Variants in NUP88 observed in about 807,000 individuals in gnomAD.
The protein encoded by NUP88 is nucleoporin 88, also known as nuclear pore complex protein Nup88.
In NUP88, 57 loss-of-function variants were observed where a neutral mutation model predicts 93.9. The observed-to-expected ratio is 0.61, with a 90% CI of 0.49 to 0.76. The LOEUF is 0.76. NUP88 is among the 30% of genes least tolerant of loss of function. NUP88 has a pLI of 0.00. For synonymous variants in NUP88, 346 were observed against 336.8 expected, an observed-to-expected ratio of 1.03 and a Z score of -0.30; for missense variants, 911 against 901.0, an observed-to-expected ratio of 1.01 and a Z score of -0.14.
Position 5,391,666 on chromosome 17 carries a change from GA to G in NUP88, c.1383-5del, listed in dbSNP as rs780573071. 1.2e-6 allele frequency: 2 copies of G among 1,609,474 alleles called. No homozygotes were observed. The highest frequency in any genetic ancestry group is 1.7e-6 in the Non-Finnish European group (2 of 1,176,110). On this transcript the variant is annotated splice_polypyrimidine_tract_variant and splice_region_variant and intron_variant, in intron 9 of 16. Coordinates refer to ENST00000573584, the MANE Select transcript of NUP88 (RefSeq NM_002532.6). ...TCCTCGAATTGGAGCTGGCTGCCTGGAAAAACACAGTCATAGTTAAATTACA... is the reference window on the plus strand; with the variant it reads ...TCCTCGAATTGGAGCTGGCTGCCTGGAAAACACAGTCATAGTTAAATTACA...
intron 10 of NUP88, among the ~76,000 whole-genome samples, chr17:5,391,044 AGAGTAT>A: frequency 6.6e-6 from 1 of 152,316 alleles, no homozygotes; most frequent in Middle Eastern, 3.4e-3. Flanking sequence ...GAGAAATTAA[AGAGTAT>A]GAGTATGGAC....
chr17:5,412,824 T>G (rs1382980760), intron 3 of NUP88, among the ~76,000 whole-genome samples: 1 of 152,250 alleles, frequency 6.6e-6, no homozygotes, highest in East Asian at 1.9e-4. Context: ...CCCACTCCCC[T>G]ACCCCACACT....
rs371989562 is a variant in NUP88 at position 5,416,555 on chromosome 17, T to C, written c.425A>G (p.Lys142Arg). Residue 142 changes from lysine (K) to arginine (R), a missense_variant, in exon 2 of 17, where the codon AAG becomes AGG. Physicochemically the swap from Lys to Arg is conservative, Grantham distance 26. Transcript: ENST00000573584. The stretch of plus-strand genomic sequence containing the variant: ...TTTTCCACCTTCAAATTCAGAATTC[T>C]TCCCCCATCTTTTAGGTAATTCTAA... ...MVLELPKRWG[K>R]NSEFEGGKST... 40 of 1,612,110 alleles carry C rather than the reference T, an allele frequency of 2.5e-5. No individual in the cohort carries two copies. In the African/African-American group the frequency reaches 4.1e-4, roughly 17 times the overall value.
At chr17:5,407,868 T>C (rs1913589529) in intron 5 of NUP88, among the ~76,000 whole-genome samples, 1 of 152,172 alleles carries the variant, frequency 6.6e-6, no homozygotes, top group Non-Finnish European at 1.5e-5. Context: ...AAGTTCAAAC[T>C]CTCATAAATG....
intron 4 of NUP88, 36 bp downstream of exon 4, chr17:5,410,667 T>C: frequency 1.5e-6 from 2 of 1,303,960 alleles, no homozygotes; most frequent in African/African-American, 1.5e-5. Flanking sequence ...AATAAGCTAA[T>C]TAAAAAACCA....
At chr17:5,411,580 C>A (rs77009080) in intron 3 of NUP88, among the ~76,000 whole-genome samples, 8,811 of 108,406 alleles carry the variant, frequency 0.081, 245 homozygotes, top group Middle Eastern at 0.14. Flanking sequence ...GACTCCATTT[C>A]AAAAAAAAAA....
At chr17:5,407,840 T>C (rs1913587023) in intron 5 of NUP88, among the ~76,000 whole-genome samples, 1 of 152,208 alleles carries the variant, frequency 6.6e-6, no homozygotes, top group Non-Finnish European at 1.5e-5. Flanking sequence ...CATTTTTCCC[T>C]CTGTTCTATT....
chr17:5,394,226 A>G (rs1250179898), intron 9 of NUP88, among the ~76,000 whole-genome samples: 1 of 152,186 alleles, frequency 6.6e-6, no homozygotes, highest in African/African-American at 2.4e-5. Flanking sequence ...ACCTAGAAAG[A>G]ATAGAGAAGA....
chr17:5,404,915 A>T, intron 6 of NUP88, 142 bp downstream of exon 6: 1 of 765,000 alleles, frequency 1.3e-6, no homozygotes, highest in Non-Finnish European at 2.1e-6. Flanking sequence ...TGCTTCAGCT[A>T]CTTTTTTAAC....
chr17:5,388,902 C>G lies in NUP88; in HGVS notation c.1543G>C (p.Ala515Pro). The change falls in exon 11 of 17, where the codon GCA becomes CCA. Residue 515 changes from alanine to proline, a missense_variant. Coordinates refer to ENST00000573584, the MANE Select transcript of NUP88 (RefSeq NM_002532.6). ...LLCTREDVEV[A>P]ESPLRVLAET... Reference sequence around the variant, plus strand: ...GCCAGAACACGGAGGGGAGACTCTGCCACTTCAACATCTTCTCGAGTACAA... The same window carrying G: ...GCCAGAACACGGAGGGGAGACTCTGGCACTTCAACATCTTCTCGAGTACAA... 6.2e-7 allele frequency: 1 copy of G among 1,613,862 alleles called. No individual in the cohort carries two copies. Among genetic ancestry groups the G allele is most frequent in the Non-Finnish European group, 8.5e-7 (1 of 1,179,830 alleles).
rs748365617 is a variant in NUP88 at position 5,386,261 on chromosome 17, T to G, written c.2171A>C (p.His724Pro). 6.2e-7 allele frequency: 1 copy of G among 1,608,790 alleles called. No individual in the cohort carries two copies. Among genetic ancestry groups the G allele is most frequent in the East Asian group, 2.2e-5 (1 of 44,782 alleles). The part of the protein sequence containing the change: ...IQSILKEEGE[H>P]IREMVKQIND... ...GATTTGCTTCACCATTTCCCTTATATGTTCACCCCTGTAAAATTGTAAAGT... is the reference window on the plus strand; with the variant it reads ...GATTTGCTTCACCATTTCCCTTATAGGTTCACCCCTGTAAAATTGTAAAGT... Residue 724 changes from histidine (H) to proline (P), a missense_variant, in exon 17 of 17, where the codon CAT becomes CCT. Coordinates refer to ENST00000573584, the MANE Select transcript of NUP88 (RefSeq NM_002532.6).
chr17:5,398,659 C>T (rs1912941388), intron 8 of NUP88, among the ~76,000 whole-genome samples: 3 of 148,436 alleles, frequency 2.0e-5, no homozygotes, highest in Admixed American at 2.0e-4. Context: ...GGCATGACCT[C>T]GGCTCACTGC....
rs1163676619 is a variant in NUP88, at chr17:5,394,906, T to A, written c.1367A>T (p.Lys456Met). The A allele has an allele frequency of 1.9e-6, 3 of 1,612,814 alleles. No homozygotes were observed. In the African/African-American group the frequency reaches 4.0e-5, roughly 22 times the overall value. ...KCFVEHILCT[K>M]PLPCRQPAPI... ...GAGTCCTTACCTGCAGGGCAATGGC[T>A]TCGTACAAAGGATGTGTTCAACAAA... The change falls in exon 9 of 17, where the codon AAG (lysine) becomes ATG (methionine). Residue 456 changes from lysine to methionine, a missense_variant. Physicochemically the swap from Lys to Met is moderately conservative, Grantham distance 95. Coordinates refer to ENST00000573584, the MANE Select transcript of NUP88 (RefSeq NM_002532.6).
chr17:5,389,021 GC>G, intron 10 of NUP88, 61 bp from the exon 11 acceptor site: 1 of 1,247,164 alleles, frequency 8.0e-7, no homozygotes, highest in Non-Finnish European at 1.1e-6. Context: ...TTACAGGAAA[GC>G]AGAAACCACA....
At chr17:5,394,676 A>C (rs62076185) in intron 9 of NUP88, among the ~76,000 whole-genome samples, 7,332 of 152,132 alleles carry the variant, frequency 0.048, 253 homozygotes, top group Middle Eastern at 0.11. Context: ...GGGGCTGGGG[A>C]AGGACCTTCC....
Position 5,385,981 on chromosome 17 carries a change from T to C in NUP88, c.*225A>G. On this transcript the variant is annotated 3_prime_UTR_variant, in exon 17 of 17. Transcript: ENST00000573584. ...GGCAGTGTGCAGTGTGAAATAATCC[T>C]GAGTCCTTGCTGAACACAACTGTAG... is the stretch of plus-strand genomic sequence containing the variant. The C allele has an allele frequency of 2.1e-6, 1 of 485,094 alleles. No individual in the cohort carries two copies. The highest frequency in any genetic ancestry group is 3.8e-5 in the South Asian group (1 of 26,092). The allele number at this position is 485,094 out of a possible 1,614,324, so 30.0% of individuals were successfully genotyped here.
chr17:5,401,227 T>C (rs1913142243), intron 7 of NUP88, among the ~76,000 whole-genome samples: 1 of 151,818 alleles, frequency 6.6e-6, no homozygotes, highest in African/African-American at 2.4e-5. Flanking sequence ...CTACTAAAAA[T>C]ACAAAATTAG....
In NUP88 at chr17:5,413,995, GAAATA is replaced by G. The variant is rs770855756; in HGVS notation, c.593+9_593+13del. Reference sequence around the variant, plus strand: ...CCCACTCGCAAGGCTTCAAGAGAGAGAAATAAAATTTACCTGATTACGTTGTCTGA... The same window carrying G: ...CCCACTCGCAAGGCTTCAAGAGAGAGAAATTTACCTGATTACGTTGTCTGA... On this transcript the variant is annotated intron_variant, in intron 3 of 16. Transcript: ENST00000573584. 6.2e-7 allele frequency: 1 copy of G among 1,612,644 alleles called. No individual in the cohort carries two copies. Among genetic ancestry groups the G allele is most frequent in the South Asian group, 1.1e-5 (1 of 91,014 alleles).
Position 5,387,090 on chromosome 17 carries a change from C to T in NUP88, c.1937G>A (p.Ser646Asn), listed in dbSNP as rs1567563136. 1 of 1,613,828 alleles carries T rather than the reference C, an allele frequency of 6.2e-7. No homozygotes were observed. The highest frequency in any genetic ancestry group is 1.7e-5 in the Admixed American group (1 of 59,942). Reference protein sequence around the residue: ...IMNRMKKLLHSFHSELPVLSD... With the variant: ...IMNRMKKLLHNFHSELPVLSD... ...GAGAACTGGGAGCTCAGAGTGAAAA[C>T]TGTGAAGTAGTTTTTTCATCCTTTA... The change falls in exon 15 of 17, where the codon AGT (serine) becomes AAT (asparagine). Residue 646 changes from serine to asparagine, a missense_variant. Ser to Asn is a conservative substitution (Grantham distance 46). Transcript: ENST00000573584.
Sources: allele counts gnomAD v4.1 joint callset (sites outside exome capture counted in the v4.1 genomes callset), GRCh38; gene constraint gnomAD v4.1.1; transcripts MANE v1.5; gene names NCBI Gene and HGNC (gene_info 2026-07-23, HGNC 2026-07-21).